COPS3: variants seen among roughly 807,000 people sequenced by gnomAD.
COPS3 encodes the protein COP9 signalosome subunit 3, also known as COP9 signalosome complex subunit 3.
COPS3 carries 10 observed loss-of-function variants against 58.2 expected under a neutral mutation model. That is an observed-to-expected ratio of 0.17 (90% CI 0.11 to 0.29). The LOEUF is 0.29. Ranked by LOEUF, COPS3 falls within the 10% of genes least tolerant of loss-of-function variation. The pLI is 1.00. For synonymous variants in COPS3, 187 were observed against 181.7 expected, an observed-to-expected ratio of 1.03 and a Z score of -0.24; for missense variants, 333 against 510.1, an observed-to-expected ratio of 0.65 and a Z score of 3.34.
intron 2 of COPS3, among the ~76,000 whole-genome samples, chr17:17,274,626 T>C (rs1424403129): frequency 1.3e-5 from 2 of 152,070 alleles, no homozygotes. Context: ...GGTCTCACTA[T>C]GTTGGCCAGG....
intron 7 of COPS3, chr17:17,260,788 G>T: frequency 7.1e-6 from 1 of 141,136 alleles, no homozygotes; most frequent in Non-Finnish European, 1.4e-5. Context: ...GGGCAACAAA[G>T]CAAAACTCCG....
chr17:17,272,267 A>T (rs1388012737), intron 2 of COPS3, among the ~76,000 whole-genome samples: 1 of 152,148 alleles, frequency 6.6e-6, no homozygotes, highest in Non-Finnish European at 1.5e-5. Flanking sequence ...TACAAAAAAT[A>T]GAAAAATTAG....
chr17:17,248,797 G>A (rs1243429041), intron 10 of COPS3, 129 bp downstream of exon 10: 1 of 599,910 alleles, frequency 1.7e-6, no homozygotes, highest in African/African-American at 1.9e-5. Context: ...TAACTTTCTA[G>A]TAACTAAGAT....
intron 10 of COPS3, 145 bp from the exon 11 acceptor site, chr17:17,247,705 G>A (rs986631617): frequency 1.4e-6 from 1 of 694,766 alleles, no homozygotes; most frequent in Non-Finnish European, 2.4e-6. Context: ...TGGAGCCAGA[G>A]TATTTTGGAC....
intron 9 of COPS3, among the ~76,000 whole-genome samples, chr17:17,253,230 A>C (rs2047890782): frequency 6.6e-6 from 1 of 151,950 alleles, no homozygotes; most frequent in Admixed American, 6.6e-5. Context: ...TGTCTCAATC[A>C]ATCAATCAAT....
chr17:17,259,472 T>C (rs994588756), intron 8 of COPS3, among the ~76,000 whole-genome samples: 2 of 152,248 alleles, frequency 1.3e-5, no homozygotes, highest in Admixed American at 1.3e-4. Context: ...ATAAAAATTA[T>C]AGAATTGGCT....
chr17:17,251,325 G>A (rs560109481), intron 9 of COPS3, among the ~76,000 whole-genome samples: 8 of 145,536 alleles, frequency 5.5e-5, no homozygotes, highest in East Asian at 2.1e-4. Flanking sequence ...ACGGAGTTTC[G>A]CTCTTGTCAC....
intron 2 of COPS3, among the ~76,000 whole-genome samples, chr17:17,271,489 A>T (rs140613997): frequency 6.6e-6 from 1 of 152,096 alleles, no homozygotes; most frequent in East Asian, 1.9e-4. Context: ...TATTTTGCAC[A>T]ATCACTATAC....
chr17:17,268,024 C>T, intron 4 of COPS3, 47 bp from the exon 5 acceptor site: 1 of 1,603,100 alleles, frequency 6.2e-7, no homozygotes, highest in Non-Finnish European at 8.5e-7. Context: ...AAGATGGCAG[C>T]ACATTGGATC....
intron 1 of COPS3, 40 bp from the exon 2 acceptor site, chr17:17,276,204 C>T (rs1489108194): frequency 1.9e-6 from 3 of 1,608,616 alleles, no homozygotes; most frequent in Non-Finnish European, 2.6e-6. Flanking sequence ...TCAGCTACAG[C>T]ACTAACCAAA....
chr17:17,262,553 C>G (rs1197331148), intron 6 of COPS3, among the ~76,000 whole-genome samples: 1 of 151,936 alleles, frequency 6.6e-6, no homozygotes, highest in Non-Finnish European at 1.5e-5. Flanking sequence ...CACAGTGAAA[C>G]CCCATCTCTA....
chr17:17,257,692 G>A (rs545321161), intron 8 of COPS3, among the ~76,000 whole-genome samples: 2 of 151,386 alleles, frequency 1.3e-5, no homozygotes, highest in Admixed American at 1.3e-4. Flanking sequence ...AGCTACTCGG[G>A]AGGCTGAGGC....
At position 17,260,373 on chromosome 17, in the gene COPS3, G is replaced by A. The variant is rs370425975; in HGVS notation, c.864C>T (p.Arg288=). The change falls in exon 8 of 12, where the codon CGC becomes CGT. Residue 288 remains arginine, a synonymous_variant. Transcript: ENST00000268717. ...GCTTCACCAGCCCCATGTTGTTATC[G>A]CGAGTGAAGGTTTCACTGTGCTTAT... is the stretch of plus-strand genomic sequence containing the variant. The part of the protein sequence containing the change: ...LVNKHSETFT[R]DNNMGLVKQC... 1.2e-5 allele frequency: 19 copies of A among 1,613,996 alleles called. No homozygotes were observed. The highest frequency in any genetic ancestry group is 8.9e-5 in the East Asian group (4 of 44,900).
Position 17,271,840 on chromosome 17 carries a change from CTA to C in COPS3, c.186-834_186-833del, listed in dbSNP as rs10653495. On this transcript the variant is annotated intron_variant, in intron 2 of 11. Coordinates refer to ENST00000268717, the MANE Select transcript of COPS3 (RefSeq NM_003653.4). ...TCTCAAAAAAAAAATCTATATATAT[CTA>C]TATATATATATATATACACACATAC... 3.1e-3 allele frequency among the ~76,000 whole-genome samples: 430 copies of C among 139,140 alleles called. 3 individuals are homozygous for C. The highest frequency in any genetic ancestry group is 0.01 in the African/African-American group (390 of 37,552). 91.3% of individuals were successfully genotyped at this position (139,140 alleles called of 152,430 possible). A position where few individuals can be genotyped will look rare whatever the true frequency, so the allele number is the denominator to read the frequency against.
At chr17:17,259,615 C>T (rs2048049096) in intron 8 of COPS3, among the ~76,000 whole-genome samples, 1 of 152,164 alleles carries the variant, frequency 6.6e-6, no homozygotes, top group African/African-American at 2.4e-5. Context: ...TTCTCATTGG[C>T]TGGGTGCGGT....
At position 17,271,023 on chromosome 17, in the gene COPS3, A is replaced by G; in HGVS notation, c.186-15T>C. 1 of 1,559,496 alleles carries G rather than the reference A, an allele frequency of 6.4e-7. No individual in the cohort carries two copies. The highest frequency in any genetic ancestry group is 1.4e-5 in the African/African-American group (1 of 73,922). ...ACTTCACAAACCTAGAATAAGGAGA[A>G]AAGAATCAAATTACCCTGATAGTTC... is the stretch of plus-strand genomic sequence containing the variant. On this transcript the variant is annotated splice_polypyrimidine_tract_variant and intron_variant, in intron 2 of 11. Coordinates refer to ENST00000268717, the MANE Select transcript of COPS3 (RefSeq NM_003653.4).
chr17:17,257,625 G>A (rs1220206858), intron 8 of COPS3, among the ~76,000 whole-genome samples: 5 of 150,674 alleles, frequency 3.3e-5, no homozygotes, highest in African/African-American at 7.3e-5. Context: ...GTGAAACCCC[G>A]TCTCTACTAA....
chr17:17,268,051 A>G, intron 4 of COPS3, 74 bp from the exon 5 acceptor site: 2 of 1,540,112 alleles, frequency 1.3e-6, no homozygotes, highest in South Asian at 2.4e-5. Flanking sequence ...TGTCACTTAT[A>G]AATAAAAAAT....
chr17:17,254,960 C>G lies in COPS3; in HGVS notation c.937-15G>C. ...GTTAAAAAGGTCTGAAAGTCAGAAG[C>G]AGAATTAGTCACAGGTAGGAACAAC... is the stretch of plus-strand genomic sequence containing the variant. On this transcript the variant is annotated splice_polypyrimidine_tract_variant and intron_variant, in intron 8 of 11. Transcript: ENST00000268717. 6.4e-7 allele frequency: 1 copy of G among 1,571,748 alleles called. No individual in the cohort carries two copies. Among genetic ancestry groups the G allele is most frequent in the Middle Eastern group, 1.7e-4 (1 of 5,984 alleles).
Sources: allele counts gnomAD v4.1 joint callset (sites outside exome capture counted in the v4.1 genomes callset), GRCh38; gene constraint gnomAD v4.1.1; transcripts MANE v1.5; gene names NCBI Gene and HGNC (gene_info 2026-07-23, HGNC 2026-07-21).